ETNK1: variants seen among roughly 807,000 people sequenced by gnomAD.
The protein encoded by ETNK1 is putative protein product of Nbla10396.
In ETNK1, 8 loss-of-function variants were observed where a neutral mutation model predicts 45.1. That is an observed-to-expected ratio of 0.18 (90% CI 0.10 to 0.32). ETNK1 has a LOEUF of 0.32. Ranked by LOEUF, ETNK1 falls within the 10% of genes least tolerant of loss-of-function variation. ETNK1 has a pLI of 1.00. For missense variants in ETNK1, 302 were observed against 430.6 expected (o/e 0.70, Z 2.64); for synonymous variants, 152 against 151.9 (o/e 1.00, Z -0.01).
At chr12:22,663,822 G>A (rs1424068770) in intron 4 of ETNK1, among the ~76,000 whole-genome samples, 1 of 150,686 alleles carries the variant, frequency 6.6e-6, no homozygotes, top group South Asian at 2.1e-4. Flanking sequence ...TTGTGGTTAT[G>A]TATGTGTCTT....
intron 1 of ETNK1, among the ~76,000 whole-genome samples, chr12:22,640,699 A>C (rs1444012738): frequency 6.6e-6 from 1 of 151,790 alleles, no homozygotes; most frequent in African/African-American, 2.4e-5. Flanking sequence ...AGTAGGTTCT[A>C]ATGTACTGAT....
At chr12:22,632,099 C>A (rs1953588171) in intron 1 of ETNK1, among the ~76,000 whole-genome samples, 1 of 149,128 alleles carries the variant, frequency 6.7e-6, no homozygotes. Flanking sequence ...TTCTAATTAA[C>A]AAAATAGAAT....
Position 22,673,510 on chromosome 12 carries a change from T to C in ETNK1, c.795T>C (p.Asp265=). 1 of 1,607,826 alleles carries C rather than the reference T, an allele frequency of 6.2e-7. No individual in the cohort carries two copies. The highest frequency in any genetic ancestry group is 8.5e-7 in the Non-Finnish European group (1 of 1,176,598). Reference sequence around the variant, plus strand: ...TTTTTTCTTCTAAAGGTGTGAGTGATGTAGACTATAGTCTGTATCCAGATA... The same window carrying C: ...TTTTTTCTTCTAAAGGTGTGAGTGACGTAGACTATAGTCTGTATCCAGATA... ...NHFNEFAGVS[D]VDYSLYPDRE... The change falls in exon 6 of 8, where the codon GAT becomes GAC. Residue 265 remains aspartate, a synonymous_variant. Coordinates refer to ENST00000266517, the MANE Select transcript of ETNK1 (RefSeq NM_018638.5).
intron 2 of ETNK1, among the ~76,000 whole-genome samples, chr12:22,658,097 GT>G (rs1048847996): frequency 2.0e-5 from 3 of 151,906 alleles, no homozygotes; most frequent in Admixed American, 6.6e-5. Context: ...TGTGTAATTT[GT>G]TTTGAAGTTC....
chr12:22,629,866 T>C (rs960997844), intron 1 of ETNK1, among the ~76,000 whole-genome samples: 1 of 152,196 alleles, frequency 6.6e-6, no homozygotes, highest in African/African-American at 2.4e-5. Flanking sequence ...AGTGATTACA[T>C]CCAGTTTTCT....
At chr12:22,678,819 A>G (rs1023090703) in intron 6 of ETNK1, among the ~76,000 whole-genome samples, 1 of 152,236 alleles carries the variant, frequency 6.6e-6, no homozygotes, top group African/African-American at 2.4e-5. Context: ...CAAGGCCTGT[A>G]GAGGCCTGAA....
At chr12:22,639,940 A>G (rs1363406966) in intron 1 of ETNK1, among the ~76,000 whole-genome samples, 2 of 152,164 alleles carry the variant, frequency 1.3e-5, no homozygotes, top group Non-Finnish European at 2.9e-5. Context: ...ACTTTCTCTC[A>G]TTAATTAGAT....
At chr12:22,655,212 T>G (rs12317631) in intron 2 of ETNK1, among the ~76,000 whole-genome samples, 1 of 152,040 alleles carries the variant, frequency 6.6e-6, no homozygotes, top group African/African-American at 2.4e-5. Flanking sequence ...AGGTGATTCA[T>G]CCACCTTGGC....
chr12:22,663,920 T>A (rs1158553304), intron 4 of ETNK1, among the ~76,000 whole-genome samples: 1 of 151,940 alleles, frequency 6.6e-6, no homozygotes, highest in African/African-American at 2.4e-5. Flanking sequence ...TCCCATAGTA[T>A]CCGTTTAAAA....
Position 22,659,083 on chromosome 12 carries a change from T to A in ETNK1, c.486T>A (p.Asn162Lys). The A allele has an allele frequency of 6.2e-7, 1 of 1,613,994 alleles. No individual in the cohort carries two copies. The highest frequency in any genetic ancestry group is 8.5e-7 in the Non-Finnish European group (1 of 1,179,896). The change falls in exon 3 of 8, where the codon AAT becomes AAA. Residue 162 changes from asparagine to lysine, a missense_variant. By Grantham distance (94) the Asn-to-Lys change is moderately conservative. Around this residue, in one of 3 missense-constraint regions of ETNK1, gnomAD observed 205 missense variants for 259.9 expected, o/e 0.79. Transcript: ENST00000266517. Reference sequence around the variant, plus strand: ...ACAATGGCTGGATCCCCAAATCTAATCTTTGGCTAAAGATGGGAAAGTATT... The same window carrying A: ...ACAATGGCTGGATCCCCAAATCTAAACTTTGGCTAAAGATGGGAAAGTATT... ...HAHNGWIPKS[N>K]LWLKMGKYFS...
At chr12:22,651,298 A>G (rs942495777) in intron 2 of ETNK1, among the ~76,000 whole-genome samples, 6 of 152,304 alleles carry the variant, frequency 3.9e-5, no homozygotes, top group Middle Eastern at 3.4e-3. Context: ...TGCCTCTTTT[A>G]CTAGACACAT....
At chr12:22,640,715 A>G (rs1953725346) in intron 1 of ETNK1, among the ~76,000 whole-genome samples, 1 of 150,418 alleles carries the variant, frequency 6.6e-6, no homozygotes, top group Non-Finnish European at 1.5e-5. Flanking sequence ...CTGATTTTAT[A>G]TATGAGATAG....
At position 22,661,168 on chromosome 12, in the gene ETNK1, C is replaced by T. The variant is rs1565444797; in HGVS notation, c.663C>T (p.Asp221=). 1.2e-6 allele frequency: 2 copies of T among 1,611,548 alleles called. No individual in the cohort carries two copies. ...CACCTGTTGTGCTTTGCCATAATGA[C>T]CTATTGTGTAAGAATATAATCTACA... is the stretch of plus-strand genomic sequence containing the variant. The part of the protein sequence containing the change: ...LGSPVVLCHN[D]LLCKNIIYNE... Residue 221 remains aspartate, a synonymous_variant, in exon 4 of 8, where the codon GAC becomes GAT. Coordinates refer to ENST00000266517, the MANE Select transcript of ETNK1 (RefSeq NM_018638.5).
rs189894951 is a variant in ETNK1, at chr12:22,644,262, A to G, written c.416+240A>G. ...GAAAAACTACAAGATGTTTTGGATT[A>G]ACCGGCTGCAGAGGGTCAAGGCTTC... On this transcript the variant is annotated intron_variant, in intron 2 of 7. Transcript: ENST00000266517. 1.0e-4 allele frequency: 163 copies of G among 1,609,128 alleles called. No homozygotes were observed. In the East Asian group the frequency reaches 2.1e-3, roughly 21 times the overall value.
intron 6 of ETNK1, among the ~76,000 whole-genome samples, chr12:22,682,519 T>C (rs1954223490): frequency 6.6e-6 from 1 of 152,154 alleles, no homozygotes; most frequent in African/African-American, 2.4e-5. Flanking sequence ...GAGACATCCA[T>C]TGTACTTTGG....
At chr12:22,673,776 TA>T in intron 6 of ETNK1, 116 bp downstream of exon 6, 1 of 1,032,868 alleles carries the variant, frequency 9.7e-7, no homozygotes, top group Non-Finnish European at 1.4e-6. Context: ...TTGTTCAAAA[TA>T]ATGTAAATAC....
At chr12:22,631,631 G>T (rs2137515964) in intron 1 of ETNK1, among the ~76,000 whole-genome samples, 1 of 152,296 alleles carries the variant, frequency 6.6e-6, no homozygotes, top group East Asian at 1.9e-4. Flanking sequence ...GACAAGAGGT[G>T]CTGGGGCCCA....
In ETNK1 at chr12:22,632,056, C is replaced by G. The variant is rs932222667; in HGVS notation, c.156+6470C>G. On this transcript the variant is annotated intron_variant, in intron 1 of 7. Transcript: ENST00000266517. ...TCATAGTCTTGATCTCTCCCTCCCT[C>G]TAGTGGTAATCTTAATAGCAGATTT... Among the ~76,000 whole-genome samples the G allele has an allele frequency of 9.3e-5, 14 of 150,142 alleles. No homozygotes were observed. The Admixed American group carries it at 9.4e-4, about 10-fold the overall frequency.
At chr12:22,647,477 C>T (rs961932729) in intron 2 of ETNK1, among the ~76,000 whole-genome samples, 3 of 151,818 alleles carry the variant, frequency 2.0e-5, no homozygotes, top group Admixed American at 6.6e-5. Context: ...TTAAAAGTCT[C>T]TTATATTCAG....
Sources: allele counts gnomAD v4.1 joint callset (sites outside exome capture counted in the v4.1 genomes callset), GRCh38; gene constraint gnomAD v4.1.1; regional missense constraint gnomAD v4.1.1; transcripts MANE v1.5; gene names NCBI Gene and HGNC (gene_info 2026-07-23, HGNC 2026-07-21).